The following ZNF333 variants were observed in gnomAD, a reference collection of about 807,000 sequenced individuals.
The protein encoded by ZNF333 is zinc finger protein 333.
A neutral mutation model predicts 76.1 loss-of-function variants in ZNF333; 61 were observed. The observed-to-expected ratio is 0.80, with a 90% CI of 0.65 to 0.99. The LOEUF is 0.99. Ranked by LOEUF, ZNF333 falls within the 50% of genes least tolerant of loss-of-function variation. ZNF333 has a pLI of 0.00. For missense variants in ZNF333, 717 were observed against 822.4 expected (o/e 0.87, Z 1.57); for synonymous variants, 284 against 305.0 (o/e 0.93, Z 0.72).
chr19:14,710,964 G>A (rs1245083686), intron 7 of ZNF333, among the ~76,000 whole-genome samples: 2 of 150,708 alleles, frequency 1.3e-5, no homozygotes, highest in East Asian at 2.2e-4. Flanking sequence ...AAGCAGGAGC[G>A]GGGGCAGTGG....
intron 5 of ZNF333, chr19:14,701,925 A>G (rs2041968455): frequency 1.0e-6 from 1 of 984,414 alleles, no homozygotes; most frequent in African/African-American, 1.7e-5. Context: ...AGTTGAACCC[A>G]GACCTAACCG....
Position 14,718,208 on chromosome 19 carries a change from A to G in ZNF333, c.901-20A>G, listed in dbSNP as rs1356179690. On this transcript the variant is annotated intron_variant, in intron 11 of 11. Coordinates refer to ENST00000292530, the MANE Select transcript of ZNF333 (RefSeq NM_032433.4). ...GAATCTAATAAGGCCTTTGGTCTTC[A>G]CATTTTCCTTCATCGACAGGAGCAA... The G allele has an allele frequency of 6.3e-7, 1 of 1,588,274 alleles. No individual in the cohort carries two copies. Among genetic ancestry groups the G allele is most frequent in the Non-Finnish European group, 8.6e-7 (1 of 1,169,098 alleles).
At chr19:14,716,693 TG>T (rs1240915409) in intron 9 of ZNF333, among the ~76,000 whole-genome samples, 13 of 152,254 alleles carry the variant, frequency 8.5e-5, no homozygotes, top group Admixed American at 3.9e-4. Flanking sequence ...GGCCTTTCTA[TG>T]GAATGAAGAT....
At position 14,699,246 on chromosome 19, in the gene ZNF333, C is replaced by G; in HGVS notation, c.271C>G (p.Leu91Val). 6.2e-7 allele frequency: 1 copy of G among 1,613,894 alleles called. No individual in the cohort carries two copies. Among genetic ancestry groups the G allele is most frequent in the Non-Finnish European group, 8.5e-7 (1 of 1,179,902 alleles). The change falls in exon 5 of 12, where the codon CTT (leucine) becomes GTT (valine). Residue 91 changes from leucine (L) to valine (V), a missense_variant. Leu to Val is a conservative substitution (Grantham distance 32). Transcript: ENST00000292530. ...KPEELPSMQDLLEEASSRDMQ... is the reference protein window; with the variant it reads ...KPEELPSMQDVLEEASSRDMQ... ...CGAAGAGTTGCCTTCTATGCAGGAT[C>G]TTTTGGAAGAAGCATCCTCCAGGGA...
At chr19:14,691,623 AAGAC>A (rs989410665) in intron 1 of ZNF333, among the ~76,000 whole-genome samples, 1 of 152,088 alleles carries the variant, frequency 6.6e-6, no homozygotes, top group Non-Finnish European at 1.5e-5. Context: ...TGTCTTATGA[AAGAC>A]AGGCACTTTA....
intron 5 of ZNF333, 37 bp from the exon 6 acceptor site, chr19:14,705,017 A>T (rs1383148414): frequency 3.7e-6 from 6 of 1,601,898 alleles, no homozygotes; most frequent in African/African-American, 2.7e-5. Flanking sequence ...TGTGGTGCCA[A>T]CTCTGTCCTG....
downstream of ZNF333, among the ~76,000 whole-genome samples, chr19:14,722,644 C>A (rs2042603070): frequency 6.6e-6 from 1 of 151,942 alleles, no homozygotes; most frequent in Non-Finnish European, 1.5e-5. Flanking sequence ...TTTTTGTTTT[C>A]TTTAGATGTC....
At chr19:14,717,945 A>G (rs2042483279) in intron 11 of ZNF333, among the ~76,000 whole-genome samples, 1 of 152,266 alleles carries the variant, frequency 6.6e-6, no homozygotes, top group Non-Finnish European at 1.5e-5. Flanking sequence ...GCATTTTCAC[A>G]GATATGACAC....
At chr19:14,709,057 T>C (rs959509015) in intron 7 of ZNF333, 18 of 152,392 alleles carry the variant, frequency 1.2e-4, no homozygotes, top group African/African-American at 4.1e-4. Context: ...GTGAGTGAGT[T>C]CTCACGAGAT....
rs143812920 is a variant in ZNF333 at position 14,695,037 on chromosome 19, G to A, written c.31G>A (p.Val11Met). The A allele has an allele frequency of 1.4e-4, 223 of 1,614,136 alleles. No homozygotes were observed. Among genetic ancestry groups the A allele is most frequent in the African/African-American group, 1.2e-3 (88 of 75,028 alleles). Residue 11 changes from valine (V) to methionine (M), a missense_variant, in exon 3 of 12, where the codon GTG becomes ATG. By Grantham distance (21) the Val-to-Met change is conservative. Coordinates refer to ENST00000292530, the MANE Select transcript of ZNF333 (RefSeq NM_032433.4). MESVTFEDVA[V>M]EFIQEWALLD... Reference sequence around the variant, plus strand: ...ATCCGTCACCTTTGAGGATGTGGCCGTGGAGTTCATCCAGGAGTGGGCATT... The same window carrying A: ...ATCCGTCACCTTTGAGGATGTGGCCATGGAGTTCATCCAGGAGTGGGCATT...
Position 14,715,480 on chromosome 19 carries a change from A to G in ZNF333, c.600+10A>G. The G allele has an allele frequency of 1.2e-6, 2 of 1,613,074 alleles. No homozygotes were observed. The highest frequency in any genetic ancestry group is 1.7e-6 in the Non-Finnish European group (2 of 1,179,282). On this transcript the variant is annotated intron_variant, in intron 8 of 11. Transcript: ENST00000292530. ...AACCGCCTGTTCACAGGTAGGTAAGAACTTCTTGTTCTAAAAGAACACTGC... is the reference window on the plus strand; with the variant it reads ...AACCGCCTGTTCACAGGTAGGTAAGGACTTCTTGTTCTAAAAGAACACTGC...
rs949927735 is a variant in ZNF333, at chr19:14,701,630, G to A, written c.306+2349G>A. The A allele has an allele frequency of 3.0e-6, 3 of 985,312 alleles. No individual in the cohort carries two copies. In the African/African-American group the frequency reaches 5.2e-5, roughly 17 times the overall value. The allele number at this position is 985,312 out of a possible 1,614,324, so 61.0% of individuals were successfully genotyped here. ...GAGAGAGGGAGGGAGAATGAGCAAC[G>A]AGGGCCCGGTGCCCTCTTTGTTTCT... On this transcript the variant is annotated intron_variant, in intron 5 of 11. Transcript: ENST00000292530.
chr19:14,709,164 G>T (rs2042204653), intron 7 of ZNF333: 1 of 153,534 alleles, frequency 6.5e-6, no homozygotes, highest in South Asian at 2.0e-4. Context: ...CTTCCGCCAT[G>T]ATTGTAAGTT....
chr19:14,705,421 G>T lies in ZNF333; in HGVS notation c.423+251G>T, dbSNP rs117067246. On this transcript the variant is annotated intron_variant, in intron 6 of 11. Coordinates refer to ENST00000292530, the MANE Select transcript of ZNF333 (RefSeq NM_032433.4). ...TGGACTGTAGGCCCTGCCTTTCCTG[G>T]TCCAGCCTTTTTTCTTCCTGTCCTT... Among the ~76,000 whole-genome samples, 1,241 of 152,238 alleles carry T rather than the reference G, an allele frequency of 8.2e-3. 10 individuals are homozygous for T. Among genetic ancestry groups the T allele is most frequent in the Non-Finnish European group, 0.013 (873 of 67,996 alleles).
chr19:14,690,770 TTTTC>T (rs1231909304), intron 1 of ZNF333, among the ~76,000 whole-genome samples: 1 of 152,182 alleles, frequency 6.6e-6, no homozygotes, highest in Non-Finnish European at 1.5e-5. Flanking sequence ...TTCCATAACT[TTTTC>T]TTTCTTCTTT....
Position 14,705,050 on chromosome 19 carries a change from C to A in ZNF333, c.307-4C>A. ...CTGCTCAGCACCCTCTTGTCTTTTG[C>A]CAGGGGCCGGGGCTGTTCCTGAGGA... On this transcript the variant is annotated splice_polypyrimidine_tract_variant and splice_region_variant and intron_variant, in intron 5 of 11. Transcript: ENST00000292530. The A allele has an allele frequency of 6.2e-7, 1 of 1,612,952 alleles. No homozygotes were observed.
In ZNF333 at chr19:14,714,475, T is replaced by G. The variant is rs1356244379; in HGVS notation, c.512-907T>G. ...AGGGAGGGGCAAGGAAGGACTCTTCTCAGAGCGTCAGAGGAGGCGTGGCCC... is the reference window on the plus strand; with the variant it reads ...AGGGAGGGGCAAGGAAGGACTCTTCGCAGAGCGTCAGAGGAGGCGTGGCCC... On this transcript the variant is annotated intron_variant, in intron 7 of 11. Transcript: ENST00000292530. Among the ~76,000 whole-genome samples, 3 of 152,290 alleles carry G rather than the reference T, an allele frequency of 2.0e-5. No homozygotes were observed. The East Asian group carries it at 5.8e-4, about 29-fold the overall frequency.
chr19:14,691,676 CTTTT>C (rs71166784), intron 1 of ZNF333, among the ~76,000 whole-genome samples: 3 of 121,972 alleles, frequency 2.5e-5, no homozygotes, highest in African/African-American at 3.1e-5. Flanking sequence ...GTCATATTGT[CTTTT>C]TTTTTTTTTT....
intron 1 of ZNF333, among the ~76,000 whole-genome samples, chr19:14,693,024 A>G (rs1252142879): frequency 1.3e-5 from 2 of 151,992 alleles, no homozygotes; most frequent in Non-Finnish European, 2.9e-5. Context: ...ATGGGGTTTC[A>G]CCATATTGGC....
Sources: allele counts gnomAD v4.1 joint callset (sites outside exome capture counted in the v4.1 genomes callset), GRCh38; gene constraint gnomAD v4.1.1; transcripts MANE v1.5; gene names NCBI Gene and HGNC (gene_info 2026-07-23, HGNC 2026-07-21).